SPO11: variants seen among roughly 807,000 people sequenced by gnomAD.
SPO11 encodes the protein SPO11 initiator of meiotic double strand breaks, also known as meiotic recombination protein SPO11.
In SPO11, 49 loss-of-function variants were observed where a neutral mutation model predicts 51.6. The ratio of observed to expected loss-of-function variants is 0.95; its 90% CI spans 0.75 to 1.20. The LOEUF is 1.20. SPO11 is among the 50% of genes most tolerant of loss of function. The pLI is 0.00. For synonymous variants in SPO11, 176 were observed against 158.2 expected (o/e 1.11, Z -0.84); for missense variants, 431 against 473.4 (o/e 0.91, Z 0.83).
Position 57,330,374 on chromosome 20 carries a change from G to T in SPO11, c.131+376G>T, listed in dbSNP as rs550800656. Among the ~76,000 whole-genome samples the T allele has an allele frequency of 3.2e-4, 49 of 151,634 alleles. 1 individual carries two copies. The highest frequency in any genetic ancestry group is 1.2e-3 in the African/African-American group (49 of 41,332). On this transcript the variant is annotated intron_variant, in intron 1 of 12. Coordinates refer to ENST00000371263, the MANE Select transcript of SPO11 (RefSeq NM_012444.3). Reference sequence around the variant, plus strand: ...TAAAATTTTTGGTTAAACTTTAAGGGTTTTTTTTGGTTTTTATTTTTTGGT... The same window carrying T: ...TAAAATTTTTGGTTAAACTTTAAGGTTTTTTTTTGGTTTTTATTTTTTGGT...
intron 10 of SPO11, among the ~76,000 whole-genome samples, chr20:57,339,824 G>A (rs2066558460): frequency 6.6e-6 from 1 of 152,130 alleles, no homozygotes; most frequent in East Asian, 1.9e-4. Flanking sequence ...CTGCAACCTT[G>A]GACTTTTGAG....
chr20:57,333,880 A>G (rs1478762371), intron 4 of SPO11, 107 bp from the exon 5 acceptor site: 1 of 906,106 alleles, frequency 1.1e-6, no homozygotes, highest in African/African-American at 1.7e-5. Flanking sequence ...CTTTCTTTAT[A>G]TGTTGTGTTT....
intron 1 of SPO11, among the ~76,000 whole-genome samples, chr20:57,331,324 G>A (rs1330248878): frequency 3.3e-5 from 5 of 152,200 alleles, no homozygotes; most frequent in Non-Finnish European, 5.9e-5. Flanking sequence ...CGATTTTAAG[G>A]CATGAGATCA....
intron 8 of SPO11, 102 bp from the exon 9 acceptor site, chr20:57,338,173 GA>G: frequency 1.1e-6 from 1 of 874,682 alleles, no homozygotes; most frequent in Non-Finnish European, 1.8e-6. Context: ...TTACAGGCGT[GA>G]ACCACTGCGT....
chr20:57,339,879 C>T (rs924401344), intron 10 of SPO11, among the ~76,000 whole-genome samples: 1 of 152,174 alleles, frequency 6.6e-6, no homozygotes, highest in Non-Finnish European at 1.5e-5. Context: ...ACTGGGATTA[C>T]AAGCATGAGC....
intron 8 of SPO11, among the ~76,000 whole-genome samples, chr20:57,336,553 T>C (rs1397218006): frequency 6.6e-6 from 1 of 152,176 alleles, no homozygotes; most frequent in East Asian, 1.9e-4. Flanking sequence ...GATGCCTCTG[T>C]GGAACTGGTC....
Position 57,335,866 on chromosome 20 carries a change from G to A in SPO11, c.703G>A (p.Asp235Asn), listed in dbSNP as rs755040198. ...TGCAACATTTCAGCGGCTCCTAGAT[G>A]ACAACTTTTGCAACAAATTGTCTCC... ...KDATFQRLLDDNFCNKLSPCI... is the reference protein window; with the variant it reads ...KDATFQRLLDNNFCNKLSPCI... Residue 235 changes from aspartate (D) to asparagine (N), a missense_variant, in exon 8 of 13, where the codon GAC (aspartate) becomes AAC (asparagine). By Grantham distance (23) the Asp-to-Asn change is conservative (BLOSUM62 1). This residue lies in a region of SPO11 where 405 missense variants were observed against 425.9 expected (regional missense o/e 0.95). Coordinates refer to ENST00000371263, the MANE Select transcript of SPO11 (RefSeq NM_012444.3). 2.5e-6 allele frequency: 4 copies of A among 1,612,942 alleles called. No homozygotes were observed. In the African/African-American group the frequency reaches 4.0e-5, roughly 16 times the overall value.
intron 7 of SPO11, 150 bp from the exon 8 acceptor site, chr20:57,335,648 A>G (rs544691639): frequency 1.1e-4 from 76 of 679,334 alleles, no homozygotes; most frequent in Non-Finnish European, 1.9e-4. Flanking sequence ...AGATATCTGA[A>G]TATATGAATA....
intron 12 of SPO11, 31 bp downstream of exon 12, chr20:57,342,871 A>G: frequency 6.7e-7 from 1 of 1,485,438 alleles, no homozygotes; most frequent in Non-Finnish European, 9.4e-7. Flanking sequence ...CAAGTGTTGC[A>G]TGTTTAATTG....
chr20:57,333,551 T>C (rs1231464834), intron 3 of SPO11, 136 bp from the exon 4 acceptor site: 1 of 655,698 alleles, frequency 1.5e-6, no homozygotes, highest in African/African-American at 1.8e-5. Context: ...GTAATTGTTC[T>C]GTACTTAACC....
At chr20:57,331,702 C>G (rs1322572522) in intron 1 of SPO11, 131 bp from the exon 2 acceptor site, 1 of 462,924 alleles carries the variant, frequency 2.2e-6, no homozygotes, top group African/African-American at 2.0e-5. Context: ...TTTTAAAACC[C>G]CACCCCAATT....
chr20:57,342,786 T>C lies in SPO11; in HGVS notation c.1017T>C (p.Leu339=), dbSNP rs1319834334. 3.1e-6 allele frequency: 5 copies of C among 1,613,736 alleles called. No homozygotes were observed. In the South Asian group the frequency reaches 4.4e-5, roughly 14 times the overall value. ...TGACAAAAAGGGACCAAATGAAACT[T>C]GACAGTATCCTGAGGAGACCTTATG... ...IPLTKRDQMK[L]DSILRRPYVT... is the part of the protein sequence containing the mutation. The change falls in exon 12 of 13, where the codon CTT becomes CTC. Residue 339 remains leucine, a synonymous_variant. Coordinates refer to ENST00000371263, the MANE Select transcript of SPO11 (RefSeq NM_012444.3).
At position 57,333,319 on chromosome 20, in the gene SPO11, A is replaced by G. The variant is rs113935004; in HGVS notation, c.334+43A>G. 129 of 1,412,754 alleles carry G rather than the reference A, an allele frequency of 9.1e-5. 1 individual carries two copies. In the African/African-American group the frequency reaches 1.6e-3, roughly 18 times the overall value. 87.5% of individuals were successfully genotyped at this position (1,412,754 alleles called of 1,614,324 possible). On this transcript the variant is annotated intron_variant, in intron 3 of 12. Coordinates refer to ENST00000371263, the MANE Select transcript of SPO11 (RefSeq NM_012444.3). ...AGCTTTTGGTAATAAAGGATAAATA[A>G]ATTTTGTTATCTTCTCAATTTTATT...
chr20:57,340,129 A>G lies in SPO11; in HGVS notation c.910A>G (p.Thr304Ala). 1 of 1,612,354 alleles carries G rather than the reference A, an allele frequency of 6.2e-7. No individual in the cohort carries two copies. Residue 304 changes from threonine (T) to alanine (A), a missense_variant, in exon 11 of 13, where the codon ACA becomes GCA. Around this residue, in one of 3 missense-constraint regions of SPO11, gnomAD observed 405 missense variants for 425.9 expected, o/e 0.95. Coordinates refer to ENST00000371263, the MANE Select transcript of SPO11 (RefSeq NM_012444.3). ...MSMSFEAHHL[T>A]VPAIRWLGLL... ...TATGTCTTTTGAAGCTCATCATCTC[A>G]CAGTTCCAGCTATTAGATGGCTTGG... is the stretch of plus-strand genomic sequence containing the variant.
At chr20:57,335,678 AG>A in intron 7 of SPO11, 119 bp from the exon 8 acceptor site, 2 of 708,400 alleles carry the variant, frequency 2.8e-6, no homozygotes, top group Non-Finnish European at 2.4e-6. Flanking sequence ...ATATGTTTGA[AG>A]GTACAAACTA....
At chr20:57,333,469 A>T (rs2066473593) in intron 3 of SPO11, among the ~76,000 whole-genome samples, 193 bp downstream of exon 3, 1 of 152,244 alleles carries the variant, frequency 6.6e-6, no homozygotes, top group Admixed American at 6.5e-5. Flanking sequence ...TTTTCAAGGT[A>T]TATGGTTCAG....
At chr20:57,333,800 A>T (rs767336068) in intron 4 of SPO11, 47 bp downstream of exon 4, 19 of 1,155,036 alleles carry the variant, frequency 1.6e-5, no homozygotes, top group Non-Finnish European at 3.8e-6. Context: ...GTAATGTGAG[A>T]AATAGTTGGA....
chr20:57,334,632 C>T (rs2146084933), intron 5 of SPO11, 118 bp from the exon 6 acceptor site: 1 of 699,626 alleles, frequency 1.4e-6, no homozygotes, highest in Admixed American at 2.9e-5. Context: ...TCTTTCATCT[C>T]TGAAATTTCA....
At chr20:57,342,701 C>A in intron 11 of SPO11, 28 bp from the exon 12 acceptor site, 1 of 1,441,228 alleles carries the variant, frequency 6.9e-7, no homozygotes, top group Non-Finnish European at 9.7e-7. Context: ...CACTTTTTTA[C>A]TGATTTTTTT....
Sources: gnomAD v4.1 joint callset for allele counts (sites outside exome capture counted in the v4.1 genomes callset) on GRCh38, gnomAD v4.1.1 for gene constraint, gnomAD v4.1.1 regional missense constraint, MANE v1.5 for transcripts, NCBI Gene and HGNC (gene_info 2026-07-23, HGNC 2026-07-21) for gene names.